GABRR1: variants seen among roughly 807,000 people sequenced by gnomAD.
GABRR1 encodes gamma-aminobutyric acid receptor subunit rho-1.
In GABRR1, 59 loss-of-function variants were observed where a neutral mutation model predicts 55.5. The observed-to-expected ratio is 1.06, with a 90% CI of 0.86 to 1.32. The LOEUF (loss-of-function observed/expected upper bound fraction) is 1.32, where lower values mean the gene tolerates loss of function less well. GABRR1 is among the 40% of genes most tolerant of loss of function. The probability of loss-of-function intolerance (pLI) is 0.00; values close to 1 mark genes in which losing one functional copy is unlikely to be tolerated. For missense variants in GABRR1, 602 were observed against 619.1 expected (o/e 0.97, Z 0.29); for synonymous variants, 213 against 226.0 (o/e 0.94, Z 0.51).
At chr6:89,195,604 T>C (rs1331920418) in intron 5 of GABRR1, among the ~76,000 whole-genome samples, 2 of 152,238 alleles carry the variant, frequency 1.3e-5, no homozygotes, top group African/African-American at 4.8e-5. Flanking sequence ...CAAAATTATT[T>C]TGAATATAAA....
chr6:89,180,598 C>G, intron 8 of GABRR1, 110 bp from the exon 9 acceptor site: 1 of 1,317,058 alleles, frequency 7.6e-7, no homozygotes, highest in Non-Finnish European at 1.0e-6. Flanking sequence ...TAGAATGTCT[C>G]CATCCCTGCT....
At chr6:89,199,566 T>G (rs1772401415) in intron 3 of GABRR1, 137 bp from the exon 4 acceptor site, 7 of 694,912 alleles carry the variant, frequency 1.0e-5, no homozygotes, top group Non-Finnish European at 1.5e-5. Context: ...CAACCTGAAG[T>G]CAAACCAGAG....
chr6:89,204,729 T>C (rs1481970825), intron 1 of GABRR1: 2 of 1,057,978 alleles, frequency 1.9e-6, no homozygotes, highest in Non-Finnish European at 1.2e-6. Flanking sequence ...AAAATACAGT[T>C]ATAGTCTTTT....
At chr6:89,228,781 C>T (rs1013590684) in intron 1 of GABRR1, among the ~76,000 whole-genome samples, 2 of 151,708 alleles carry the variant, frequency 1.3e-5, no homozygotes, top group African/African-American at 4.9e-5. Context: ...TCTATTAGGT[C>T]CGCTTAGTGC....
chr6:89,230,520 C>G (rs534885281), intron 1 of GABRR1, among the ~76,000 whole-genome samples: 5 of 152,266 alleles, frequency 3.3e-5, no homozygotes, highest in African/African-American at 1.2e-4. Context: ...GAATACCCTG[C>G]CTTGTGAGGT....
In GABRR1 at chr6:89,179,019, C is replaced by T. The variant is rs1313258443; in HGVS notation, c.1191G>A (p.Leu397=). 4 of 1,614,028 alleles carry T rather than the reference C, an allele frequency of 2.5e-6. No homozygotes were observed. The highest frequency in any genetic ancestry group is 1.3e-5 in the African/African-American group (1 of 74,916). ...CCTCCCCATCACTGTAGTTGCCGTC[C>T]AGCATCGCAGTGCGGGGCGGAGGTA... ...SGLPPPRTAM[L]DGNYSDGEVN... is the part of the protein sequence containing the mutation. The change falls in exon 10 of 10, where the codon CTG becomes CTA. Residue 397 remains leucine, a synonymous_variant. Transcript: ENST00000454853.
chr6:89,188,905 C>T (rs186538963), intron 6 of GABRR1, among the ~76,000 whole-genome samples: 2 of 152,236 alleles, frequency 1.3e-5, no homozygotes, highest in Admixed American at 1.3e-4. Context: ...TCAACCACCA[C>T]ACGAACTCAC....
At chr6:89,208,481 T>C (rs1772719342) in intron 1 of GABRR1, among the ~76,000 whole-genome samples, 1 of 152,238 alleles carries the variant, frequency 6.6e-6, no homozygotes, top group African/African-American at 2.4e-5. Flanking sequence ...TAAATGTTAC[T>C]GTGACGATAT....
chr6:89,207,912 C>T (rs1159236199), intron 1 of GABRR1, among the ~76,000 whole-genome samples: 1 of 152,238 alleles, frequency 6.6e-6, no homozygotes, highest in Non-Finnish European at 1.5e-5. Context: ...CAGCACACTG[C>T]CTTGAACCCG....
At chr6:89,188,547 G>A (rs558519098) in intron 6 of GABRR1, among the ~76,000 whole-genome samples, 10 of 152,190 alleles carry the variant, frequency 6.6e-5, no homozygotes, top group Admixed American at 6.5e-4. Context: ...TTGGCCATTT[G>A]TATACCGTCT....
At chr6:89,220,212 G>A (rs912282373), upstream of GABRR1, among the ~76,000 whole-genome samples, 1 of 152,166 alleles carries the variant, frequency 6.6e-6, no homozygotes, top group Non-Finnish European at 1.5e-5. Flanking sequence ...CTAGCTCCAG[G>A]GGCCAGGAGC....
chr6:89,203,412 T>G (rs1227634790), intron 2 of GABRR1, 23 bp downstream of exon 2: 2 of 1,605,532 alleles, frequency 1.2e-6, no homozygotes, highest in Non-Finnish European at 1.7e-6. Context: ...TGCAGAACAG[T>G]GTGCACGTGC....
chr6:89,209,754 T>C (rs1772765083), intron 1 of GABRR1, among the ~76,000 whole-genome samples: 1 of 152,100 alleles, frequency 6.6e-6, no homozygotes, highest in South Asian at 2.1e-4. Flanking sequence ...TTGGCATCAG[T>C]CAGACTTCAG....
At chr6:89,181,413 C>T (rs1434054155) in intron 8 of GABRR1, among the ~76,000 whole-genome samples, 1 of 152,196 alleles carries the variant, frequency 6.6e-6, no homozygotes, top group Non-Finnish European at 1.5e-5. Context: ...AAGGGATTCT[C>T]AGACTTGAGT....
intron 1 of GABRR1, among the ~76,000 whole-genome samples, chr6:89,213,119 C>T (rs992154598): frequency 6.6e-6 from 1 of 152,140 alleles, no homozygotes; most frequent in Non-Finnish European, 1.5e-5. Context: ...GGAGTGGAGA[C>T]TAGAGTGAGG....
At chr6:89,190,680 A>C (rs1490353840) in intron 5 of GABRR1, among the ~76,000 whole-genome samples, 1 of 152,190 alleles carries the variant, frequency 6.6e-6, no homozygotes, top group African/African-American at 2.4e-5. Flanking sequence ...TACAGTGTAC[A>C]CTTACCCCAG....
intron 1 of GABRR1, among the ~76,000 whole-genome samples, chr6:89,223,250 C>T (rs1283273491): frequency 6.6e-6 from 1 of 152,156 alleles, no homozygotes; most frequent in African/African-American, 2.4e-5. Flanking sequence ...ATTCTTATGC[C>T]TTTGCATCCT....
Position 89,185,374 on chromosome 6 carries a change from T to C in GABRR1, c.732A>G (p.Ser244=), listed in dbSNP as rs1428339968. ...ATTCCTGAATGAGGAACTGGGAGAG[T>C]GAGATCCGTTCATCTGTCTTTAAGG... is the stretch of plus-strand genomic sequence containing the variant. ...NDSLKTDERI[S]LSQFLIQEFH... is the part of the protein sequence containing the mutation. The change falls in exon 7 of 10, where the codon TCA becomes TCG. Residue 244 remains serine (S), a synonymous_variant. Coordinates refer to ENST00000454853, the MANE Select transcript of GABRR1 (RefSeq NM_002042.5). 6.2e-7 allele frequency: 1 copy of C among 1,613,610 alleles called. No homozygotes were observed. Among genetic ancestry groups the C allele is most frequent in the African/African-American group, 1.3e-5 (1 of 74,932 alleles).
At chr6:89,199,211 A>T (rs1242456381) in intron 4 of GABRR1, 151 bp downstream of exon 4, 1 of 721,922 alleles carries the variant, frequency 1.4e-6, no homozygotes, top group Non-Finnish European at 2.5e-6. Context: ...GGCTTTGGGC[A>T]AATCTTCCTG....
Sources: gnomAD v4.1 joint callset for allele counts (sites outside exome capture counted in the v4.1 genomes callset) on GRCh38, gnomAD v4.1.1 for gene constraint, MANE v1.5 for transcripts, NCBI Gene and HGNC (gene_info 2026-07-23, HGNC 2026-07-21) for gene names.